C3: variants seen among roughly 807,000 people sequenced by gnomAD.
The protein encoded by C3 is complement C3.
A neutral mutation model predicts 207.9 loss-of-function variants in C3; 97 were observed. That is an observed-to-expected ratio of 0.47 (90% CI 0.40 to 0.55). The LOEUF (loss-of-function observed/expected upper bound fraction) is 0.55. C3 is among the 20% of genes least tolerant of loss of function. C3 has a pLI of 0.00. For missense variants in C3, 1,684 were observed against 2,171.7 expected (o/e 0.78, Z 4.46); for synonymous variants, 848 against 857.6 (o/e 0.99, Z 0.20).
chr19:6,694,591 T>G lies in C3; in HGVS notation c.2994A>C (p.Glu998Asp). 6.2e-7 allele frequency: 1 copy of G among 1,613,748 alleles called. No individual in the cohort carries two copies. The highest frequency in any genetic ancestry group is 8.5e-7 in the Non-Finnish European group (1 of 1,179,924). The change falls in exon 24 of 41, where the codon GAA becomes GAC. Residue 998 changes from glutamate to aspartate, a missense_variant. This residue lies in a region of C3 where 1,280 missense variants were observed against 1,739.1 expected (regional missense o/e 0.74). Coordinates refer to ENST00000245907, the MANE Select transcript of C3 (RefSeq NM_000064.4). The part of the protein sequence containing the change: ...AQMTEDAVDA[E>D]RLKHLIVTPS... ...GGGTCACAATGAGGTGCTTCAGCCG[T>G]TCCGCGTCGACGGCATCCTCTGTCA...
chr19:6,705,504 G>A (rs780850547), intron 17 of C3, among the ~76,000 whole-genome samples: 4 of 150,786 alleles, frequency 2.7e-5, no homozygotes, highest in African/African-American at 4.9e-5. Context: ...CCCCACACCC[G>A]GCTAATTATT....
chr19:6,677,911 T>A lies in C3; in HGVS notation c.4963A>T (p.Ser1655Cys). 1 of 1,613,974 alleles carries A rather than the reference T, an allele frequency of 6.2e-7. No individual in the cohort carries two copies. Among genetic ancestry groups the A allele is most frequent in the Non-Finnish European group, 8.5e-7 (1 of 1,180,006 alleles). The change falls in exon 41 of 41, where the codon AGC becomes TGC. Residue 1655 changes from serine to cysteine, a missense_variant. Physicochemically the swap from Ser to Cys is moderately radical, Grantham distance 112 (BLOSUM62 -1). Coordinates refer to ENST00000245907, the MANE Select transcript of C3 (RefSeq NM_000064.4). ...TTGGGGCACCCAAAGACAACCATGCTCTCGGTGAAGGCGCCGAGGTCCTGG... is the reference window on the plus strand; with the variant it reads ...TTGGGGCACCCAAAGACAACCATGCACTCGGTGAAGGCGCCGAGGTCCTGG... ...QCQDLGAFTE[S>C]MVVFGCPN
At chr19:6,682,945 C>A (rs145440108) in intron 33 of C3, 293 of 154,200 alleles carry the variant, frequency 1.9e-3, no homozygotes, top group African/African-American at 6.4e-3. Flanking sequence ...TCAAAGACAG[C>A]ATAAATGGAG....
At chr19:6,717,890 CTCTG>C in intron 4 of C3, 200 bp downstream of exon 4, 1 of 649,840 alleles carries the variant, frequency 1.5e-6, no homozygotes, top group Non-Finnish European at 2.8e-6. Context: ...ATCTCTTTGC[CTCTG>C]TGTGTGTATT....
In C3 at chr19:6,707,539, TGCAGG is replaced by T. The variant is rs745491897; in HGVS notation, c.1976-7_1976-3del. The T allele has an allele frequency of 6.2e-6, 10 of 1,614,024 alleles. No homozygotes were observed. Among genetic ancestry groups the T allele is most frequent in the Non-Finnish European group, 8.5e-6 (10 of 1,179,944 alleles). On this transcript the variant is annotated splice_polypyrimidine_tract_variant and splice_region_variant and intron_variant, in intron 15 of 40. Coordinates refer to ENST00000245907, the MANE Select transcript of C3 (RefSeq NM_000064.4). ...CGGCTGGCTGCGGGCACTGAAGTTCTGCAGGGCAGGCGGACCGAGAAGAAGATGGA... is the reference window on the plus strand; with the variant it reads ...CGGCTGGCTGCGGGCACTGAAGTTCTGCAGGCGGACCGAGAAGAAGATGGA...
chr19:6,706,142 G>T (rs1349889830), intron 17 of C3, among the ~76,000 whole-genome samples: 1 of 152,218 alleles, frequency 6.6e-6, no homozygotes, highest in Admixed American at 6.5e-5. Flanking sequence ...ACACAAATTA[G>T]TTTTCTCTGG....
At position 6,693,469 on chromosome 19, in the gene C3, G is replaced by A. The variant is rs752570215; in HGVS notation, c.3173C>T (p.Ala1058Val). 1.2e-6 allele frequency: 2 copies of A among 1,612,474 alleles called. No individual in the cohort carries two copies. Among genetic ancestry groups the A allele is most frequent in the Non-Finnish European group, 8.5e-7 (1 of 1,179,582 alleles). The change falls in exon 25 of 41, where the codon GCC (alanine) becomes GTC (valine). Residue 1058 changes from alanine to valine, a missense_variant. Physicochemically the swap from Ala to Val is moderately conservative, Grantham distance 64 (BLOSUM62 0). Transcript: ENST00000245907. ...LIKKGYTQQL[A>V]FRQPSSAFAA... ...AAAGGCAGAGCTGGGTTGTCTGAAG[G>A]CCAGCTGCTGGGTGTACCCTGCAGA... is the stretch of plus-strand genomic sequence containing the variant.
intron 13 of C3, 124 bp from the exon 14 acceptor site, chr19:6,709,966 GGGGAGAGAGA>G (rs1244573146): frequency 2.8e-5 from 19 of 672,502 alleles, no homozygotes; most frequent in African/African-American, 1.8e-4. Flanking sequence ...GGCTGGGGAG[GGGGAGAGAGA>G]GGGAGAGAGA....
chr19:6,720,303 C>A (rs1461741896), intron 1 of C3, among the ~76,000 whole-genome samples: 1 of 152,158 alleles, frequency 6.6e-6, no homozygotes, highest in Admixed American at 6.5e-5. Context: ...TGTATATAAA[C>A]TCCAATTCCA....
intron 17 of C3, among the ~76,000 whole-genome samples, chr19:6,705,422 C>T (rs1311648493): frequency 3.4e-5 from 5 of 145,018 alleles, no homozygotes; most frequent in South Asian, 2.3e-4. Flanking sequence ...GGCTCATTGA[C>T]GCCTCCATCT....
At position 6,702,470 on chromosome 19, in the gene C3, C is replaced by T. The variant is rs112996548; in HGVS notation, c.2354+1G>A. ...TTGTACCGGGGGTACCCCGGCCTTA[C>T]CCATTTTTCGGTGGCTCTTTCAAGT... On this transcript the variant is annotated splice_donor_variant, in intron 18 of 40. Transcript: ENST00000245907. LOFTEE classifies it high-confidence loss of function. 9 of 1,604,982 alleles carry T rather than the reference C, an allele frequency of 5.6e-6. No homozygotes were observed. The highest frequency in any genetic ancestry group is 7.7e-6 in the Non-Finnish European group (9 of 1,171,636).
chr19:6,689,839 G>A (rs887849600), intron 27 of C3, among the ~76,000 whole-genome samples: 4 of 152,116 alleles, frequency 2.6e-5, no homozygotes, highest in Non-Finnish European at 5.9e-5. Flanking sequence ...AAAATTAGCC[G>A]GGTATGGTGG....
rs1032627873 is a variant in C3 at position 6,684,322 on chromosome 19, T to G, written c.4172+66A>C. ...AAAGTACTGAATATCATGGATATTA[T>G]TTGCAAGAATTCTTGCTAGAGATAG... is the stretch of plus-strand genomic sequence containing the variant. On this transcript the variant is annotated intron_variant, in intron 33 of 40. Coordinates refer to ENST00000245907, the MANE Select transcript of C3 (RefSeq NM_000064.4). 8 of 1,214,504 alleles carry G rather than the reference T, an allele frequency of 6.6e-6. No homozygotes were observed. In the Admixed American group the frequency reaches 1.3e-4, roughly 20 times the overall value. 75.2% of individuals were successfully genotyped at this position (1,214,504 alleles called of 1,614,324 possible). A position where few individuals can be genotyped will look rare whatever the true frequency, so the allele number is the denominator to read the frequency against.
chr19:6,686,505 A>C, intron 28 of C3: 1 of 711,538 alleles, frequency 1.4e-6, no homozygotes, highest in Non-Finnish European at 2.5e-6. Context: ...CATTTGTTGA[A>C]TAAATGACGC....
chr19:6,684,542 G>C lies in C3; in HGVS notation c.4120+18C>G, dbSNP rs749976270. 1 of 1,600,796 alleles carries C rather than the reference G, an allele frequency of 6.2e-7. No individual in the cohort carries two copies. Among genetic ancestry groups the C allele is most frequent in the East Asian group, 2.2e-5 (1 of 44,788 alleles). On this transcript the variant is annotated intron_variant, in intron 32 of 40. Coordinates refer to ENST00000245907, the MANE Select transcript of C3 (RefSeq NM_000064.4). ...GGGGTAGGAGGAAGGTGACAGATAA[G>C]GCCTTGATTCCTTTTACCTGTTTCC...
Position 6,719,298 on chromosome 19 carries a change from G to A in C3, c.180C>T (p.His60=). 1 of 1,614,016 alleles carries A rather than the reference G, an allele frequency of 6.2e-7. No individual in the cohort carries two copies. ...QGDVPVTVTV[H]DFPGKKLVLS... The stretch of plus-strand genomic sequence containing the variant: ...GCACTAGTTTTTTGCCTGGGAAGTC[G>A]TGGACAGTAACAGTGACTGGAACAT... The change falls in exon 2 of 41, where the codon CAC becomes CAT. Residue 60 remains histidine, a synonymous_variant. Coordinates refer to ENST00000245907, the MANE Select transcript of C3 (RefSeq NM_000064.4). The surrounding 1 kb of genome is among the most constrained non-coding windows in gnomAD (Gnocchi z 5.4).
In C3 at chr19:6,702,502, C is replaced by A. The variant is rs745813592; in HGVS notation, c.2323G>T (p.Val775Phe). 6.2e-6 allele frequency: 10 copies of A among 1,614,006 alleles called. No homozygotes were observed. The highest frequency in any genetic ancestry group is 8.5e-6 in the Non-Finnish European group (10 of 1,179,824). Residue 775 changes from valine to phenylalanine, a missense_variant, in exon 18 of 41, where the codon GTT (valine) becomes TTT (phenylalanine). Coordinates refer to ENST00000245907, the MANE Select transcript of C3 (RefSeq NM_000064.4). ...SEFPESWLWN[V>F]EDLKEPPKNG... is the part of the protein sequence containing the mutation. ...TTCGGTGGCTCTTTCAAGTCCTCAA[C>A]GTTCCACAGCCAGCTCTCTGGGAAC...
intron 13 of C3, 65 bp from the exon 14 acceptor site, chr19:6,709,907 T>C: frequency 6.6e-7 from 1 of 1,522,874 alleles, no homozygotes; most frequent in Admixed American, 1.8e-5. Flanking sequence ...TGGGATGGAG[T>C]GGGTGCTGGG....
rs1180546264 is a variant in C3 at position 6,696,624 on chromosome 19, A to G, written c.2832T>C (p.Val944=). Residue 944 remains valine (V), a synonymous_variant, in exon 22 of 41, where the codon GTT becomes GTC. Transcript: ENST00000245907. ...CCAGGCGTTCTGGATCCAGGGTGCG[A>G]ACAGCCACAGTTTTGTTCATTCTGA... ...EGIRMNKTVA[V]RTLDPERLGR... 5.6e-6 allele frequency: 9 copies of G among 1,614,054 alleles called. No homozygotes were observed. Among genetic ancestry groups the G allele is most frequent in the Non-Finnish European group, 7.6e-6 (9 of 1,180,006 alleles).
Sources: gnomAD v4.1 joint callset for allele counts (sites outside exome capture counted in the v4.1 genomes callset) on GRCh38, gnomAD v4.1.1 for gene constraint, gnomAD v4.1.1 regional missense constraint, Gnocchi (gnomAD v3.1) non-coding constraint, MANE v1.5 for transcripts, NCBI Gene and HGNC (gene_info 2026-07-23, HGNC 2026-07-21) for gene names.